Variants in KCNH5 observed in about 807,000 individuals in gnomAD.
KCNH5 encodes the protein voltage-gated delayed rectifier potassium channel KCNH5.
KCNH5 carries 46 observed loss-of-function variants against 96.1 expected under a neutral mutation model. That is an observed-to-expected ratio of 0.48 (90% confidence interval 0.38 to 0.61). KCNH5 has a LOEUF of 0.61. Ranked by LOEUF, KCNH5 falls within the 20% of genes least tolerant of loss-of-function variation. The pLI, the probability that KCNH5 is intolerant of heterozygous loss-of-function variation, is 0.00. For synonymous variants in KCNH5, 439 were observed against 449.8 expected (o/e 0.98, Z 0.30); for missense variants, 907 against 1,225.8 (o/e 0.74, Z 3.88).
At chr14:62,881,543 G>A (rs917199696) in intron 7 of KCNH5, among the ~76,000 whole-genome samples, 17 of 152,008 alleles carry the variant, frequency 1.1e-4, no homozygotes, top group Non-Finnish European at 1.6e-4. Flanking sequence ...CTTAATACGT[G>A]GGTGATGAAA....
chr14:62,804,559 G>A (rs1229972393), intron 8 of KCNH5, among the ~76,000 whole-genome samples: 1 of 152,134 alleles, frequency 6.6e-6, no homozygotes, highest in East Asian at 1.9e-4. Context: ...AAAGTGGTAT[G>A]ATGGGAGCAT....
In KCNH5 at chr14:62,954,255, T is replaced by C. The variant is rs558302448; in HGVS notation, c.943-3696A>G. ...TGACATCATCTCCCTGCCTCTGCCA[T>C]CTTTATTGTCATACTCTCCCCCGTC... On this transcript the variant is annotated intron_variant, in intron 6 of 10. Coordinates refer to ENST00000322893, the MANE Select transcript of KCNH5 (RefSeq NM_139318.5). Among the ~76,000 whole-genome samples the C allele has an allele frequency of 4.6e-5, 7 of 152,334 alleles. No individual in the cohort carries two copies. In the East Asian group the frequency reaches 1.4e-3, roughly 29 times the overall value.
chr14:62,897,614 G>T (rs905711138), intron 7 of KCNH5, among the ~76,000 whole-genome samples: 2 of 152,038 alleles, frequency 1.3e-5, no homozygotes, highest in African/African-American at 4.8e-5. Flanking sequence ...CCAGAACAAG[G>T]CCCAAGAATA....
At chr14:62,776,127 C>T (rs1193234422) in intron 10 of KCNH5, among the ~76,000 whole-genome samples, 6 of 152,038 alleles carry the variant, frequency 3.9e-5, no homozygotes, top group Non-Finnish European at 8.8e-5. Flanking sequence ...ATTAGCTGGG[C>T]GTGGTGGCAT....
intron 10 of KCNH5, among the ~76,000 whole-genome samples, chr14:62,762,178 C>T (rs1196813331): frequency 6.6e-6 from 1 of 152,052 alleles, no homozygotes; most frequent in Admixed American, 6.5e-5. Context: ...GCTGGGGACA[C>T]CCGTTCCCCA....
chr14:62,708,567 G>A (rs982964318), intron 10 of KCNH5, 112 bp from the exon 11 acceptor site: 7 of 621,702 alleles, frequency 1.1e-5, no homozygotes. Context: ...TTGAATATTT[G>A]ATAAGATTAT....
rs1445414525 is a variant in KCNH5, at chr14:62,779,790, A to G, written c.1957T>C (p.Tyr653His). 1 of 1,614,070 alleles carries G rather than the reference A, an allele frequency of 6.2e-7. No homozygotes were observed. The highest frequency in any genetic ancestry group is 8.5e-7 in the Non-Finnish European group (1 of 1,179,942). Reference sequence around the variant, plus strand: ...GAGAAGGAGTTTGCAAAAGCTGTATAAAAGTCCAGGACTTTGAGCAAGGCT... The same window carrying G: ...GAGAAGGAGTTTGCAAAAGCTGTATGAAAGTCCAGGACTTTGAGCAAGGCT... Reference protein sequence around the residue: ...REALLKVLDFYTAFANSFSRN... With the variant: ...REALLKVLDFHTAFANSFSRN... Residue 653 changes from tyrosine (Y) to histidine (H), a missense_variant, in exon 10 of 11, where the codon TAT becomes CAT. Coordinates refer to ENST00000322893, the MANE Select transcript of KCNH5 (RefSeq NM_139318.5).
intron 7 of KCNH5, among the ~76,000 whole-genome samples, chr14:62,897,737 A>T (rs1413599097): frequency 6.6e-6 from 1 of 152,136 alleles, no homozygotes. Context: ...GAAAAATGAA[A>T]CTATTTTAGT....
Position 62,804,847 on chromosome 14 carries a change from C to G in KCNH5, c.1570-2266G>C, listed in dbSNP as rs1011824346. ...CAGAGGAAATACTAGCTCTTATCAT[C>G]ACTACGGAACATCTGTCTTCCTACA... On this transcript the variant is annotated intron_variant, in intron 8 of 10. Transcript: ENST00000322893. Among the ~76,000 whole-genome samples, 3 of 152,154 alleles carry G rather than the reference C, an allele frequency of 2.0e-5. No homozygotes were observed. The East Asian group carries it at 5.8e-4, about 29-fold the overall frequency.
intron 8 of KCNH5, among the ~76,000 whole-genome samples, chr14:62,816,702 G>T (rs1172080603): frequency 6.6e-6 from 1 of 151,888 alleles, no homozygotes; most frequent in African/African-American, 2.4e-5. Context: ...TAATATATAA[G>T]AAACAACATA....
intron 7 of KCNH5, among the ~76,000 whole-genome samples, chr14:62,908,782 ATTTTTTTT>A (rs71120241): frequency 2.0e-3 from 48 of 23,720 alleles, no homozygotes; most frequent in East Asian, 3.4e-3. Flanking sequence ...TTTGCTTTGT[ATTTTTTTT>A]TTTTTTTTTT....
At chr14:62,885,142 T>A (rs1172674715) in intron 7 of KCNH5, among the ~76,000 whole-genome samples, 1 of 152,170 alleles carries the variant, frequency 6.6e-6, no homozygotes, top group Non-Finnish European at 1.5e-5. Flanking sequence ...CAAAAAAGAT[T>A]CTTGAAATCC....
At chr14:62,734,779 C>T (rs948009803) in intron 10 of KCNH5, among the ~76,000 whole-genome samples, 2 of 152,148 alleles carry the variant, frequency 1.3e-5, no homozygotes, top group African/African-American at 4.8e-5. Context: ...CCTTTTTTCA[C>T]AACTGCATAG....
intron 8 of KCNH5, among the ~76,000 whole-genome samples, chr14:62,809,520 C>T (rs545104272): frequency 2.0e-4 from 30 of 152,088 alleles, no homozygotes; most frequent in African/African-American, 7.0e-4. Flanking sequence ...ATCGTGGAAC[C>T]TCAAAAGGAG....
intron 7 of KCNH5, among the ~76,000 whole-genome samples, chr14:62,948,342 A>T (rs1488685976): frequency 2.6e-5 from 4 of 152,182 alleles, no homozygotes; most frequent in Admixed American, 6.5e-5. Flanking sequence ...CACCGATCCC[A>T]CAGAAATACA....
chr14:62,795,806 C>T (rs1329386781), intron 9 of KCNH5, among the ~76,000 whole-genome samples: 1 of 152,060 alleles, frequency 6.6e-6, no homozygotes, highest in East Asian at 1.9e-4. Flanking sequence ...GTACTAAGAA[C>T]CCTGTATAGG....
intron 9 of KCNH5, among the ~76,000 whole-genome samples, chr14:62,791,328 G>T (rs1196230929): frequency 6.6e-6 from 1 of 151,520 alleles, no homozygotes; most frequent in South Asian, 2.1e-4. Context: ...CATAGCTACA[G>T]TAAGTAACTT....
At chr14:62,907,483 A>G (rs1889052057) in intron 7 of KCNH5, among the ~76,000 whole-genome samples, 1 of 152,164 alleles carries the variant, frequency 6.6e-6, no homozygotes, top group Non-Finnish European at 1.5e-5. Context: ...TCTCATTGAC[A>G]ACTTCATGCA....
intron 10 of KCNH5, among the ~76,000 whole-genome samples, chr14:62,734,596 A>G (rs1885119049): frequency 1.3e-5 from 2 of 151,958 alleles, no homozygotes; most frequent in East Asian, 1.9e-4. Context: ...CCCCACATAC[A>G]CTAGCATTAT....
Sources: gnomAD v4.1 joint callset for allele counts (sites outside exome capture counted in the v4.1 genomes callset) on GRCh38, gnomAD v4.1.1 for gene constraint, MANE v1.5 for transcripts, NCBI Gene and HGNC (gene_info 2026-07-23, HGNC 2026-07-21) for gene names.